Variants in KCTD16 observed in about 807,000 individuals in gnomAD.
The protein encoded by KCTD16 is BTB/POZ domain-containing protein KCTD16.
KCTD16 carries 13 observed loss-of-function variants against 33.2 expected under a neutral mutation model. The ratio of observed to expected loss-of-function variants is 0.39; its 90% CI spans 0.25 to 0.62. The LOEUF is 0.62. Among genes scored for constraint, KCTD16 ranks in the 20% least tolerant of loss-of-function variants. The probability of loss-of-function intolerance (pLI) is 0.50; values close to 1 mark genes in which losing one functional copy is unlikely to be tolerated. For synonymous variants in KCTD16, 197 were observed against 195.3 expected, an observed-to-expected ratio of 1.01 and a Z score of -0.07; for missense variants, 441 against 525.1, an observed-to-expected ratio of 0.84 and a Z score of 1.57.
intron 3 of KCTD16, among the ~76,000 whole-genome samples, chr5:144,381,648 T>A (rs1594054): frequency 1.3e-4 from 19 of 151,930 alleles, no homozygotes; most frequent in Non-Finnish European, 2.2e-4. Flanking sequence ...TCGTGTGAAC[T>A]CAGAGCAGGA....
At chr5:144,401,443 C>T (rs750956052) in intron 3 of KCTD16, among the ~76,000 whole-genome samples, 1 of 152,062 alleles carries the variant, frequency 6.6e-6, no homozygotes, top group Admixed American at 6.6e-5. Context: ...CATAAATGCA[C>T]AAACCAATAT....
chr5:144,432,851 C>T (rs1753495394), intron 3 of KCTD16, among the ~76,000 whole-genome samples: 1 of 151,972 alleles, frequency 6.6e-6, no homozygotes, highest in Non-Finnish European at 1.5e-5. Flanking sequence ...TATATGTATG[C>T]ATACACACAC....
chr5:144,279,418 A>G (rs956955848), intron 3 of KCTD16, among the ~76,000 whole-genome samples: 1 of 152,240 alleles, frequency 6.6e-6, no homozygotes, highest in South Asian at 2.1e-4. Flanking sequence ...GCTGTTAATT[A>G]TAATAGTAGC....
intron 3 of KCTD16, among the ~76,000 whole-genome samples, chr5:144,410,901 G>A (rs748213596): frequency 3.3e-5 from 5 of 152,030 alleles, no homozygotes; most frequent in African/African-American, 4.8e-5. Context: ...GGGGGCTATC[G>A]TTCCCTACCC....
Position 144,457,428 on chromosome 5 carries a change from C to G in KCTD16, c.833-16232C>G, listed in dbSNP as rs73299641. ...AAGAGAAGCCCTGGAGAAGGAACAA[C>G]TGAGCTGACTCTTCATTGACAGGTT... On this transcript the variant is annotated intron_variant, in intron 3 of 3. Coordinates refer to ENST00000512467, the MANE Select transcript of KCTD16 (RefSeq NM_020768.4). 6.8e-3 allele frequency among the ~76,000 whole-genome samples: 1,032 copies of G among 152,280 alleles called. 8 individuals are homozygous for G. Among genetic ancestry groups the G allele is most frequent in the African/African-American group, 0.023 (971 of 41,542 alleles).
intron 3 of KCTD16, among the ~76,000 whole-genome samples, chr5:144,255,704 G>C (rs1451028757): frequency 1.3e-5 from 2 of 152,080 alleles, no homozygotes; most frequent in African/African-American, 2.4e-5. Flanking sequence ...CTTTGACTTT[G>C]AAAAAAATTT....
chr5:144,472,553 C>G (rs529161415), intron 3 of KCTD16, among the ~76,000 whole-genome samples: 9 of 152,150 alleles, frequency 5.9e-5, no homozygotes, highest in Non-Finnish European at 1.3e-4. Flanking sequence ...AAATGAAAAG[C>G]TCACTGGCAA....
chr5:144,358,114 T>C (rs1242175771), intron 3 of KCTD16, among the ~76,000 whole-genome samples: 1 of 139,702 alleles, frequency 7.2e-6, no homozygotes, highest in African/African-American at 3.0e-5. Context: ...TTTTTTTTTT[T>C]GTAGAGACGA....
intron 3 of KCTD16, among the ~76,000 whole-genome samples, chr5:144,247,148 C>A (rs765233315): frequency 2.6e-5 from 4 of 152,202 alleles, no homozygotes; most frequent in African/African-American, 4.8e-5. Context: ...ACATGACCAG[C>A]TACCCTAATA....
At chr5:144,214,786 A>G (rs913274968) in intron 3 of KCTD16, among the ~76,000 whole-genome samples, 1 of 152,146 alleles carries the variant, frequency 6.6e-6, no homozygotes, top group Admixed American at 6.5e-5. Flanking sequence ...ATTTTTCTAT[A>G]TCACAGCACA....
At chr5:144,324,573 G>C in intron 3 of KCTD16, among the ~76,000 whole-genome samples, 1 of 152,200 alleles carries the variant, frequency 6.6e-6, no homozygotes, top group East Asian at 1.9e-4. Flanking sequence ...TCCCATTACT[G>C]GTTATATACC....
intron 3 of KCTD16, among the ~76,000 whole-genome samples, chr5:144,216,063 C>G (rs1753554255): frequency 6.6e-6 from 1 of 152,126 alleles, no homozygotes; most frequent in Non-Finnish European, 1.5e-5. Context: ...TTTTCGGAAC[C>G]TAGAGTAATA....
intron 3 of KCTD16, among the ~76,000 whole-genome samples, chr5:144,344,583 A>G (rs1266325434): frequency 4.6e-5 from 7 of 151,626 alleles, no homozygotes; most frequent in Middle Eastern, 3.4e-3. Flanking sequence ...ACATTTATGC[A>G]GCCAAAAAAC....
At chr5:144,427,436 A>G (rs1753357254) in intron 3 of KCTD16, among the ~76,000 whole-genome samples, 1 of 151,972 alleles carries the variant, frequency 6.6e-6, no homozygotes, top group Admixed American at 6.6e-5. Context: ...CAGAACCCCT[A>G]TTGTGTTACA....
chr5:144,317,237 G>T (rs188581462), intron 3 of KCTD16, among the ~76,000 whole-genome samples: 72 of 152,108 alleles, frequency 4.7e-4, no homozygotes, highest in Non-Finnish European at 9.0e-4. Flanking sequence ...CCCCAGGAAG[G>T]AAAAAATCTA....
rs570132865 is a variant in KCTD16 at position 144,283,194 on chromosome 5, A to G, written c.832+75648A>G. ...GGTATATCTCCTAATGCTACTAATTACATCTGCTGCATGGTCTTAGGATTC... is the reference window on the plus strand; with the variant it reads ...GGTATATCTCCTAATGCTACTAATTGCATCTGCTGCATGGTCTTAGGATTC... On this transcript the variant is annotated intron_variant, in intron 3 of 3. Transcript: ENST00000512467. 2.0e-5 allele frequency among the ~76,000 whole-genome samples: 3 copies of G among 152,162 alleles called. No individual in the cohort carries two copies. In the South Asian group the frequency reaches 6.2e-4, roughly 31 times the overall value.
chr5:144,473,493 TTGGGTGCACCTGTTGCAGCCCACCC>T (rs1463465914), intron 3 of KCTD16, among the ~76,000 whole-genome samples, 142 bp from the exon 4 acceptor site: 3 of 152,170 alleles, frequency 2.0e-5, no homozygotes, highest in African/African-American at 7.2e-5. Flanking sequence ...GACTTGGCTT[TTGGGTGCACCTGTTGCAGCCCACCC>T]TGGGTGCCAC....
rs560563497 is a variant in KCTD16 at position 144,440,944 on chromosome 5, G to C, written c.833-32716G>C. Among the ~76,000 whole-genome samples, 3 of 137,764 alleles carry C rather than the reference G, an allele frequency of 2.2e-5. No homozygotes were observed. In the East Asian group the frequency reaches 6.3e-4, roughly 29 times the overall value. The allele number at this position is 137,764 out of a possible 152,430, so 90.4% of individuals were successfully genotyped here. ...GTGATGTTCCCCTTCCTGTGTCCAT[G>C]TGTTCTCATTGTTCAGTTACCACCT... On this transcript the variant is annotated intron_variant, in intron 3 of 3. Coordinates refer to ENST00000512467, the MANE Select transcript of KCTD16 (RefSeq NM_020768.4).
At chr5:144,266,972 C>T (rs537762591) in intron 3 of KCTD16, among the ~76,000 whole-genome samples, 4 of 152,206 alleles carry the variant, frequency 2.6e-5, no homozygotes, top group East Asian at 1.9e-4. Flanking sequence ...AAAGTAATTG[C>T]GATTTTTGCT....
Sources: allele counts gnomAD v4.1 joint callset (sites outside exome capture counted in the v4.1 genomes callset), GRCh38; gene constraint gnomAD v4.1.1; transcripts MANE v1.5; gene names NCBI Gene and HGNC (gene_info 2026-07-23, HGNC 2026-07-21).